HIVEP3: variants seen among roughly 807,000 people sequenced by gnomAD.
HIVEP3 encodes the protein transcription factor HIVEP3.
A neutral mutation model predicts 152.8 loss-of-function variants in HIVEP3; 49 were observed. The ratio of observed to expected loss-of-function variants is 0.32; its 90% CI spans 0.26 to 0.41. The LOEUF is 0.41. Among genes scored for constraint, HIVEP3 ranks in the 10% least tolerant of loss-of-function variants. The pLI is 1.00. For synonymous variants in HIVEP3, 1,269 were observed against 1,289.0 expected (o/e 0.98, Z 0.33); for missense variants, 2,790 against 3,103.3 (o/e 0.90, Z 2.40).
intron 2 of HIVEP3, among the ~76,000 whole-genome samples, chr1:41,645,527 C>T (rs1364677156): frequency 6.6e-6 from 1 of 152,218 alleles, no homozygotes; most frequent in Non-Finnish European, 1.5e-5. Flanking sequence ...AGTGCACAGC[C>T]TGCACAACCA....
intron 1 of HIVEP3, among the ~76,000 whole-genome samples, chr1:41,872,431 G>A (rs1644098821): frequency 1.3e-5 from 2 of 152,148 alleles, no homozygotes; most frequent in African/African-American, 4.8e-5. Flanking sequence ...CCTAAATCTT[G>A]TCTACCTATT....
At chr1:41,800,803 G>A (rs1457566186) in intron 1 of HIVEP3, among the ~76,000 whole-genome samples, 1 of 152,192 alleles carries the variant, frequency 6.6e-6, no homozygotes, top group African/African-American at 2.4e-5. Context: ...AGAAATGCAA[G>A]TGATCAGATG....
chr1:41,711,073 C>T (rs1646506697), intron 1 of HIVEP3, among the ~76,000 whole-genome samples: 1 of 152,234 alleles, frequency 6.6e-6, no homozygotes, highest in East Asian at 1.9e-4. Context: ...TGCTGCGGGC[C>T]TAGACTGCAG....
At chr1:41,892,613 T>C (rs1291010825) in intron 1 of HIVEP3, among the ~76,000 whole-genome samples, 1 of 152,206 alleles carries the variant, frequency 6.6e-6, no homozygotes, top group Non-Finnish European at 1.5e-5. Context: ...TTGGCTCTCC[T>C]CTTGTCAGCT....
intron 1 of HIVEP3, among the ~76,000 whole-genome samples, chr1:41,797,982 AAAAACAAAAACG>A (rs1162068424): frequency 1.3e-5 from 2 of 152,160 alleles, no homozygotes; most frequent in Non-Finnish European, 2.9e-5. Flanking sequence ...CCATCTAAAA[AAAAACAAAAACG>A]AAAACAAAAA....
chr1:41,639,859 A>G (rs1017676924), intron 2 of HIVEP3, among the ~76,000 whole-genome samples: 3 of 152,086 alleles, frequency 2.0e-5, no homozygotes, highest in African/African-American at 4.8e-5. Flanking sequence ...GGCGTCCCCA[A>G]CAAGGAGAGT....
intron 2 of HIVEP3, among the ~76,000 whole-genome samples, chr1:41,666,411 T>G (rs138730455): frequency 4.6e-5 from 7 of 152,202 alleles, no homozygotes; most frequent in African/African-American, 1.7e-4. Context: ...GCCCCACATT[T>G]ACTGTGTCAC....
chr1:42,030,974 A>C (rs1001401309), intron 1 of HIVEP3, among the ~76,000 whole-genome samples: 1 of 152,210 alleles, frequency 6.6e-6, no homozygotes, highest in Admixed American at 6.5e-5. Flanking sequence ...AGTGTTCTTC[A>C]CCATTTACTC....
intron 3 of HIVEP3, among the ~76,000 whole-genome samples, chr1:41,595,480 G>T (rs965987221): frequency 1.4e-4 from 21 of 152,196 alleles, no homozygotes; most frequent in Admixed American, 3.9e-4. Flanking sequence ...AAGGAGTCTG[G>T]AGACTAATTC....
chr1:41,536,158 A>T (rs1222845031), intron 5 of HIVEP3, among the ~76,000 whole-genome samples: 2 of 152,116 alleles, frequency 1.3e-5, no homozygotes, highest in Non-Finnish European at 2.9e-5. Flanking sequence ...TCTGAATATA[A>T]CAAAAGATGG....
chr1:41,764,309 G>C (rs1188692544), intron 1 of HIVEP3, among the ~76,000 whole-genome samples: 2 of 152,174 alleles, frequency 1.3e-5, no homozygotes, highest in Non-Finnish European at 2.9e-5. Context: ...TCATAGCCCA[G>C]GCAGGAGGGC....
At chr1:41,861,982 C>A (rs1055418929) in intron 1 of HIVEP3, among the ~76,000 whole-genome samples, 13 of 152,058 alleles carry the variant, frequency 8.5e-5, no homozygotes, top group African/African-American at 2.2e-4. Context: ...GGCTTGGAAA[C>A]AAATTTGGCC....
intron 1 of HIVEP3, among the ~76,000 whole-genome samples, chr1:41,743,564 A>T (rs1201234976): frequency 6.6e-6 from 1 of 152,148 alleles, no homozygotes; most frequent in Non-Finnish European, 1.5e-5. Flanking sequence ...ATGGTGGGGG[A>T]ACAGCTGCCC....
In HIVEP3 at chr1:41,918,107, CCCGCCGCCG is replaced by C. The variant is rs61551837; in HGVS notation, c.-801+297_-801+305del. ...CGCACGGCGCGCATAGGGTTACAGC[CCCGCCGCCG>C]CCGCCGCCGCCGCCGCCTGTGATTG... On this transcript the variant is annotated intron_variant, in intron 1 of 8. Transcript: ENST00000372583. The surrounding 1 kb of genome is among the most constrained non-coding windows in gnomAD (Gnocchi z 4.3). 0.017 allele frequency among the ~76,000 whole-genome samples: 2,560 copies of C among 151,704 alleles called. 75 individuals are homozygous for C. Among genetic ancestry groups the C allele is most frequent in the Admixed American group, 0.077 (1,178 of 15,240 alleles).
intron 1 of HIVEP3, among the ~76,000 whole-genome samples, chr1:41,929,676 A>G (rs943393070): frequency 6.8e-6 from 1 of 147,846 alleles, no homozygotes. Context: ...ATACACACCT[A>G]TATTTCCGTA....
chr1:41,866,872 A>G (rs560491569), intron 1 of HIVEP3, among the ~76,000 whole-genome samples: 3 of 152,378 alleles, frequency 2.0e-5, no homozygotes, highest in African/African-American at 7.2e-5. Flanking sequence ...CTAATGTCCC[A>G]GCTCAATGCC....
At chr1:41,718,774 C>CA (rs1646633085) in intron 1 of HIVEP3, among the ~76,000 whole-genome samples, 1 of 148,444 alleles carries the variant, frequency 6.7e-6, no homozygotes, top group Non-Finnish European at 1.5e-5. Flanking sequence ...TCTTTCACAC[C>CA]CACACACACA....
At chr1:41,684,828 C>T (rs1047268032) in intron 2 of HIVEP3, among the ~76,000 whole-genome samples, 4 of 152,196 alleles carry the variant, frequency 2.6e-5, no homozygotes, top group African/African-American at 9.7e-5. Flanking sequence ...TTCACAACAA[C>T]CTGCCAGGTG....
rs569688750 is a variant in HIVEP3, at chr1:42,001,610, G to A, written n.119+34197C>T. ...CCCTGGGCTGGGCCCCGAAGACACAGCAATGATGAGACAGGCACAGCTATG... is the reference window on the plus strand; with the variant it reads ...CCCTGGGCTGGGCCCCGAAGACACAACAATGATGAGACAGGCACAGCTATG... On this transcript the variant is annotated intron_variant and non_coding_transcript_variant, in intron 1 of 3. Transcript: ENST00000489103. 8.3e-4 allele frequency among the ~76,000 whole-genome samples: 127 copies of A among 152,278 alleles called. 1 individual carries two copies. Among genetic ancestry groups the A allele is most frequent in the African/African-American group, 2.9e-3 (122 of 41,538 alleles).
Sources: allele counts gnomAD v4.1 joint callset (sites outside exome capture counted in the v4.1 genomes callset), GRCh38; gene constraint gnomAD v4.1.1; non-coding constraint Gnocchi (gnomAD v3.1); transcripts MANE v1.5; gene names NCBI Gene and HGNC (gene_info 2026-07-23, HGNC 2026-07-21).